The following KLHL13 variants were observed in gnomAD, a reference collection of about 807,000 sequenced individuals.
The protein encoded by KLHL13 is kelch like family member 13.
Under a neutral mutation model 37.1 loss-of-function variants are expected in KLHL13, and 10 were observed. The ratio of observed to expected loss-of-function variants is 0.27; its 90% CI spans 0.17 to 0.46. The LOEUF (loss-of-function observed/expected upper bound fraction) is 0.46. KLHL13 is among the 20% of genes least tolerant of loss of function. KLHL13 has a pLI of 1.00. For missense variants in KLHL13, 360 were observed against 509.3 expected, an observed-to-expected ratio of 0.71 and a Z score of 2.82; for synonymous variants, 163 against 181.2, an observed-to-expected ratio of 0.90 and a Z score of 0.81.
chrX:117,973,743 G>C (rs972441995), upstream of KLHL13: 1 of 774,164 alleles, frequency 1.3e-6, no homozygotes, highest in South Asian at 6.2e-5. Context: ...CTTAATAGCA[G>C]TCCTCAGAGG....
exon 1 of KLHL13, chrX:117,973,422 C>CTAAATT (rs1268348254): frequency 1.0e-6 from 1 of 964,816 alleles, no homozygotes; most frequent in African/African-American, 2.0e-5. Flanking sequence ...AGATCAGTGA[C>CTAAATT]TAAATTCAGC....
intron 1 of KLHL13, among the ~76,000 whole-genome samples, chrX:117,958,248 T>C (rs2053235610): frequency 9.0e-6 from 1 of 111,721 alleles, no homozygotes; most frequent in African/African-American, 3.2e-5. Context: ...TATACATACA[T>C]AACTACCTGA....
upstream of KLHL13, among the ~76,000 whole-genome samples, chrX:117,978,654 G>A (rs1447155631): frequency 2.7e-5 from 3 of 111,097 alleles, no homozygotes; most frequent in East Asian, 2.8e-4. Flanking sequence ...TTGGGGACCC[G>A]ATGATCCACA....
intron 1 of KLHL13, among the ~76,000 whole-genome samples, chrX:118,043,651 A>G (rs756465662): frequency 8.9e-6 from 1 of 112,049 alleles, no homozygotes; most frequent in South Asian, 3.7e-4. Context: ...TGATCATTTC[A>G]ATTGATAATG....
chrX:118,086,598 TAA>T (rs2055057292), intron 1 of KLHL13, among the ~76,000 whole-genome samples: 2 of 112,265 alleles, frequency 1.8e-5, no homozygotes, highest in Admixed American at 1.9e-4. Context: ...ATTTATAATA[TAA>T]AGTTTTGTTA....
At chrX:117,974,790 G>A (rs975609130), upstream of KLHL13, among the ~76,000 whole-genome samples, 1 of 111,212 alleles carries the variant, frequency 9.0e-6, no homozygotes, top group Non-Finnish European at 1.9e-5. Flanking sequence ...AGTAATATAT[G>A]AACTTTGTAA....
chrX:118,070,316 T>G (rs1191634578), intron 1 of KLHL13, among the ~76,000 whole-genome samples: 1 of 112,781 alleles, frequency 8.9e-6, no homozygotes, highest in African/African-American at 3.2e-5. Flanking sequence ...TGTTTGTTAT[T>G]GCTCAGTTTT....
At chrX:117,927,259 G>A (rs1165396596) in intron 2 of KLHL13, among the ~76,000 whole-genome samples, 3 of 111,282 alleles carry the variant, frequency 2.7e-5, no homozygotes, top group Non-Finnish European at 1.9e-5. Flanking sequence ...AGGACGCCTC[G>A]CCTCGCCCCG....
chrX:118,091,121 C>A (rs1177114692), intron 1 of KLHL13, among the ~76,000 whole-genome samples: 1 of 73,398 alleles, frequency 1.4e-5, no homozygotes, highest in Non-Finnish European at 2.4e-5. Flanking sequence ...CACTATGGGG[C>A]CTGTTGTGGG....
At chrX:118,031,393 A>C (rs1232538298) in intron 1 of KLHL13, among the ~76,000 whole-genome samples, 1 of 100,175 alleles carries the variant, frequency 1.0e-5, no homozygotes, top group African/African-American at 3.7e-5. Flanking sequence ...TGTGGGATTT[A>C]ACTTTAACTA....
intron 1 of KLHL13, among the ~76,000 whole-genome samples, chrX:118,063,032 A>T (rs1042940769): frequency 8.9e-6 from 1 of 111,792 alleles, no homozygotes; most frequent in Non-Finnish European, 1.9e-5. Flanking sequence ...TGCAAAACTG[A>T]CTGCCGGTAG....
At chrX:118,069,053 A>C (rs185215979) in intron 1 of KLHL13, among the ~76,000 whole-genome samples, 9 of 108,094 alleles carry the variant, frequency 8.3e-5, no homozygotes, top group African/African-American at 3.4e-5. Flanking sequence ...GCTGCTGAGC[A>C]AACAGCGCTT....
At chrX:117,939,173 G>A (rs1024066857) in intron 2 of KLHL13, among the ~76,000 whole-genome samples, 1 of 110,555 alleles carries the variant, frequency 9.0e-6, no homozygotes, top group African/African-American at 3.3e-5. Context: ...TCCCACTTAT[G>A]AGTGAGAACA....
At chrX:117,981,842 G>A (rs1286442002) in intron 1 of KLHL13, among the ~76,000 whole-genome samples, 1 of 111,185 alleles carries the variant, frequency 9.0e-6, no homozygotes, top group Admixed American at 9.6e-5. Context: ...TCTAAACAGG[G>A]AAAAAGCACA....
At chrX:118,113,024 A>G (rs747106374) in intron 1 of KLHL13, among the ~76,000 whole-genome samples, 2 of 112,428 alleles carry the variant, frequency 1.8e-5, no homozygotes, top group South Asian at 3.7e-4. Flanking sequence ...AGAAAATAAG[A>G]TATCATTCTT....
chrX:118,070,302 G>C (rs909170909), intron 1 of KLHL13, among the ~76,000 whole-genome samples: 3 of 112,579 alleles, frequency 2.7e-5, no homozygotes, highest in Non-Finnish European at 5.6e-5. Context: ...GTTTTGCTAT[G>C]CAGTGTTTGT....
intron 1 of KLHL13, among the ~76,000 whole-genome samples, chrX:118,010,489 A>C (rs1348043841): frequency 1.4e-5 from 1 of 70,261 alleles, no homozygotes; most frequent in African/African-American, 5.4e-5. Flanking sequence ...CTATCGCAAG[A>C]ACAAAAAACC....
At chrX:117,898,906 T>A in exon 7 of KLHL13, 1 of 1,198,438 alleles carries the variant, frequency 8.3e-7, no homozygotes, top group Non-Finnish European at 1.1e-6. Context: ...GTAGAGATGA[T>A]CTTAAGGTGC....
chrX:117,955,992 T>C (rs1191389913), intron 1 of KLHL13, among the ~76,000 whole-genome samples: 1 of 111,345 alleles, frequency 9.0e-6, no homozygotes, highest in Non-Finnish European at 1.9e-5. Context: ...GTTCCTGGTT[T>C]TTCACCTAAA....
Sources: gnomAD v4.1 joint callset for allele counts (sites outside exome capture counted in the v4.1 genomes callset) on GRCh38, gnomAD v4.1.1 for gene constraint, MANE v1.5 for transcripts, NCBI Gene and HGNC (gene_info 2026-07-23, HGNC 2026-07-21) for gene names.